Variants in ACSL1 observed in about 807,000 individuals in gnomAD.
ACSL1 encodes the protein acyl-CoA synthetase long chain family member 1, also known as long-chain-fatty-acid--CoA ligase 1.
ACSL1 carries 41 observed loss-of-function variants against 98.4 expected under a neutral mutation model. The observed-to-expected ratio is 0.42, with a 90% CI of 0.32 to 0.54. The LOEUF (loss-of-function observed/expected upper bound fraction) is 0.54. Ranked by LOEUF, ACSL1 falls within the 20% of genes least tolerant of loss-of-function variation. The pLI is 0.13. For missense variants in ACSL1, 734 were observed against 883.1 expected, an observed-to-expected ratio of 0.83 and a Z score of 2.14; for synonymous variants, 316 against 322.7, an observed-to-expected ratio of 0.98 and a Z score of 0.22.
chr4:184,819,945 G>A (rs1031835484), intron 1 of ACSL1, among the ~76,000 whole-genome samples: 2 of 152,162 alleles, frequency 1.3e-5, no homozygotes, highest in Non-Finnish European at 2.9e-5. Context: ...GGGTAATACT[G>A]CACAGAGAGG....
chr4:184,767,419 A>T (rs899925036), intron 12 of ACSL1, among the ~76,000 whole-genome samples: 2 of 152,196 alleles, frequency 1.3e-5, no homozygotes, highest in Non-Finnish European at 2.9e-5. Context: ...GTCACAAAGG[A>T]GCACATATGG....
intron 4 of ACSL1, among the ~76,000 whole-genome samples, chr4:184,782,244 C>G (rs1310350098): frequency 7.1e-6 from 1 of 141,036 alleles, no homozygotes; most frequent in African/African-American, 2.6e-5. Flanking sequence ...ATTTATATTT[C>G]TAGATCGGTC....
chr4:184,802,657 C>G, intron 2 of ACSL1, among the ~76,000 whole-genome samples: 1 of 152,156 alleles, frequency 6.6e-6, no homozygotes, highest in East Asian at 1.9e-4. Context: ...GGTTTCCTTA[C>G]GCCATCCCTC....
chr4:184,825,133 TG>T lies in ACSL1; in HGVS notation c.-33+782del, dbSNP rs1403587738. On this transcript the variant is annotated intron_variant, in intron 1 of 20. Transcript: ENST00000281455. The surrounding 1 kb of genome is among the most constrained non-coding windows in gnomAD (Gnocchi z 4.7). ...TCCATAACCTTGAAATTGGACTGAG[TG>T]GGGAAGGGGTTTCCACACTCTCACA... 1.0e-6 allele frequency: 1 copy of T among 968,290 alleles called. No homozygotes were observed. The highest frequency in any genetic ancestry group is 1.1e-4 in the East Asian group (1 of 8,736). 60.0% of individuals were successfully genotyped at this position (968,290 alleles called of 1,614,324 possible).
Position 184,755,719 on chromosome 4 carries a change from T to G in ACSL1, c.*1406A>C, listed in dbSNP as rs1762062361. 1 of 152,692 alleles carries G rather than the reference T, an allele frequency of 6.5e-6. No individual in the cohort carries two copies. Among genetic ancestry groups the G allele is most frequent in the African/African-American group, 2.4e-5 (1 of 41,470 alleles). 9.5% of individuals were successfully genotyped at this position (152,692 alleles called of 1,614,324 possible). A position where few individuals can be genotyped will look rare whatever the true frequency, so the allele number is the denominator to read the frequency against. ...ACATTCAAAACCCCAAGGTGACAAA[T>G]TATTGACTTTTTGTGCAATTAAGAA... is the stretch of plus-strand genomic sequence containing the variant. On this transcript the variant is annotated 3_prime_UTR_variant, in exon 21 of 21. Transcript: ENST00000281455.
At chr4:184,783,792 C>T in intron 4 of ACSL1, 135 bp downstream of exon 4, 1 of 789,558 alleles carries the variant, frequency 1.3e-6, no homozygotes. Flanking sequence ...TCCTTGGATG[C>T]CCCATGCTTA....
chr4:184,813,477 G>A (rs1772323339), intron 1 of ACSL1: 1 of 160,102 alleles, frequency 6.2e-6, no homozygotes, highest in Non-Finnish European at 1.4e-5. Context: ...GACAGAAAAG[G>A]CTTGTGTAGA....
chr4:184,775,952 C>T (rs756593521), intron 7 of ACSL1, among the ~76,000 whole-genome samples: 13 of 152,134 alleles, frequency 8.5e-5, no homozygotes, highest in South Asian at 2.1e-4. Context: ...TGGACCACCA[C>T]GCTCATTCTC....
At chr4:184,787,056 C>T (rs1767506629) in intron 3 of ACSL1, among the ~76,000 whole-genome samples, 1 of 152,206 alleles carries the variant, frequency 6.6e-6, no homozygotes, top group African/African-American at 2.4e-5. Flanking sequence ...AGCAATACCA[C>T]ATGGTTCCTG....
Position 184,755,831 on chromosome 4 carries a change from G to A in ACSL1, c.*1294C>T, listed in dbSNP as rs967936886. Reference sequence around the variant, plus strand: ...CCTGTTGTGCTTGTATATAATACATGTACTCTCACAGACCCCAAAACAGCT... The same window carrying A: ...CCTGTTGTGCTTGTATATAATACATATACTCTCACAGACCCCAAAACAGCT... On this transcript the variant is annotated 3_prime_UTR_variant, in exon 21 of 21. Coordinates refer to ENST00000281455, the MANE Select transcript of ACSL1 (RefSeq NM_001995.5). 3 of 152,624 alleles carry A rather than the reference G, an allele frequency of 2.0e-5. No individual in the cohort carries two copies. Among genetic ancestry groups the A allele is most frequent in the African/African-American group, 7.2e-5 (3 of 41,444 alleles). 9.5% of individuals were successfully genotyped at this position (152,624 alleles called of 1,614,324 possible). A position where few individuals can be genotyped will look rare whatever the true frequency, so the allele number is the denominator to read the frequency against.
chr4:184,810,234 T>C (rs376945610), intron 1 of ACSL1, among the ~76,000 whole-genome samples: 2 of 152,202 alleles, frequency 1.3e-5, no homozygotes, highest in East Asian at 1.9e-4. Flanking sequence ...GTAGAAAAAG[T>C]CTAATTCAGC....
intron 1 of ACSL1, among the ~76,000 whole-genome samples, chr4:184,812,905 C>T (rs1403240950): frequency 2.6e-5 from 4 of 152,122 alleles, no homozygotes; most frequent in Non-Finnish European, 5.9e-5. Flanking sequence ...GACTCAAGCA[C>T]AAGATCCAGA....
chr4:184,761,720 C>A (rs946392015), intron 17 of ACSL1, among the ~76,000 whole-genome samples: 1 of 152,216 alleles, frequency 6.6e-6, no homozygotes, highest in Admixed American at 6.5e-5. Context: ...ACAACTTCCC[C>A]CAGATCTTAT....
At chr4:184,810,414 C>G (rs1472365393) in intron 1 of ACSL1, among the ~76,000 whole-genome samples, 2 of 152,138 alleles carry the variant, frequency 1.3e-5, no homozygotes, top group Non-Finnish European at 2.9e-5. Context: ...GGGACACTTT[C>G]ATCTTATATT....
At chr4:184,780,201 T>C (rs1054305855) in intron 5 of ACSL1, 131 bp downstream of exon 5, 1 of 804,624 alleles carries the variant, frequency 1.2e-6, no homozygotes, top group African/African-American at 1.7e-5. Flanking sequence ...TATGTGTAAC[T>C]TTCTAAGGTG....
intron 1 of ACSL1, chr4:184,813,928 C>G (rs1056692572): frequency 4.4e-6 from 2 of 451,394 alleles, no homozygotes; most frequent in Non-Finnish European, 8.9e-6. Context: ...TCCTGGGGTC[C>G]TCTCAGGTGC....
At chr4:184,781,096 T>C (rs1254924391) in intron 4 of ACSL1, among the ~76,000 whole-genome samples, 1 of 151,920 alleles carries the variant, frequency 6.6e-6, no homozygotes, top group African/African-American at 2.4e-5. Flanking sequence ...TAGCCAGGCA[T>C]GGTGGCGTGA....
intron 16 of ACSL1, 119 bp from the exon 17 acceptor site, chr4:184,762,642 C>CCTCTGCATCCTGGAGTTT: frequency 3.4e-6 from 3 of 873,112 alleles, no homozygotes; most frequent in African/African-American, 1.7e-5. Context: ...CCCTAAACTC[C>CCTCTGCATCCTGGAGTTT]AGGATGCAGA....
chr4:184,791,387 T>C (rs1768336547), intron 2 of ACSL1, among the ~76,000 whole-genome samples: 1 of 152,152 alleles, frequency 6.6e-6, no homozygotes. Flanking sequence ...GAAGCAAGCC[T>C]GAAATCTCAG....
Sources: gnomAD v4.1 joint callset for allele counts (sites outside exome capture counted in the v4.1 genomes callset) on GRCh38, gnomAD v4.1.1 for gene constraint, Gnocchi (gnomAD v3.1) non-coding constraint, MANE v1.5 for transcripts, NCBI Gene and HGNC (gene_info 2026-07-23, HGNC 2026-07-21) for gene names.